Variants in RIMS1 observed in about 807,000 individuals in gnomAD.
The protein encoded by RIMS1 is regulating synaptic membrane exocytosis protein 1.
A neutral mutation model predicts 214.1 loss-of-function variants in RIMS1; 83 were observed. The ratio of observed to expected loss-of-function variants is 0.39; its 90% CI spans 0.32 to 0.47. RIMS1 has a LOEUF of 0.47. Among genes scored for constraint, RIMS1 ranks in the 20% least tolerant of loss-of-function variants. The pLI is 0.99. For missense variants in RIMS1, 2,050 were observed against 2,161.8 expected (o/e 0.95, Z 1.03); for synonymous variants, 793 against 786.8 (o/e 1.01, Z -0.13).
At chr6:72,292,100 C>G in intron 26 of RIMS1, 54 bp downstream of exon 26, 2 of 1,020,100 alleles carry the variant, frequency 2.0e-6, no homozygotes, top group Non-Finnish European at 1.5e-6. Flanking sequence ...AGAACCTCCT[C>G]TATTTATACC....
intron 11 of RIMS1, 82 bp from the exon 12 acceptor site, chr6:72,247,933 A>G: frequency 2.3e-6 from 2 of 885,758 alleles, no homozygotes; most frequent in Non-Finnish European, 3.7e-6. Flanking sequence ...ATGGTTTTAT[A>G]CAAATAAAGG....
At chr6:71,921,256 G>T (rs1195263697) in intron 1 of RIMS1, among the ~76,000 whole-genome samples, 1 of 152,102 alleles carries the variant, frequency 6.6e-6, no homozygotes, top group African/African-American at 2.4e-5. Context: ...GAGTAGCTGG[G>T]ATTAGAGGCA....
At chr6:71,891,506 A>G (rs561881569) in intron 1 of RIMS1, among the ~76,000 whole-genome samples, 2 of 152,302 alleles carry the variant, frequency 1.3e-5, no homozygotes, top group Admixed American at 1.3e-4. Flanking sequence ...CTTACTTTAC[A>G]CAAATATAAT....
chr6:72,196,580 CTTTTTTTTT>C lies in RIMS1; in HGVS notation c.1678+13446_1678+13454del, dbSNP rs61651151. On this transcript the variant is annotated intron_variant, in intron 6 of 33. Transcript: ENST00000521978. ...AGTACTGTGCTGGCAGCCAGCTGCA[CTTTTTTTTT>C]TTTTTTTTTTTTTTACCTATACAGG... 1.6e-4 allele frequency among the ~76,000 whole-genome samples: 9 copies of C among 57,214 alleles called. 1 individual carries two copies. The highest frequency in any genetic ancestry group is 2.4e-4 in the African/African-American group (3 of 12,658). 37.5% of individuals were successfully genotyped at this position (57,214 alleles called of 152,430 possible). A position where few individuals can be genotyped will look rare whatever the true frequency, so the allele number is the denominator to read the frequency against.
intron 4 of RIMS1, among the ~76,000 whole-genome samples, chr6:72,147,190 C>T (rs1216485759): frequency 6.6e-6 from 1 of 152,176 alleles, no homozygotes; most frequent in African/African-American, 2.4e-5. Flanking sequence ...GGCATTACAG[C>T]TTTAATTTTT....
intron 2 of RIMS1, among the ~76,000 whole-genome samples, chr6:72,006,635 G>A (rs1378686808): frequency 6.6e-5 from 10 of 152,286 alleles, no homozygotes; most frequent in Admixed American, 5.9e-4. Flanking sequence ...CTAACACTGC[G>A]CTTTTCCAAT....
chr6:72,263,971 T>A (rs1164433845), intron 19 of RIMS1: 4 of 512,418 alleles, frequency 7.8e-6, no homozygotes, highest in South Asian at 8.6e-5. Flanking sequence ...CCAGCCTAGA[T>A]AACAAGAGTG....
Position 72,260,647 on chromosome 6 carries a change from G to T in RIMS1, c.3054-58G>T, listed in dbSNP as rs367579766. 3,556 of 1,596,616 alleles carry T rather than the reference G, an allele frequency of 2.2e-3. 4 individuals carry two copies. Among genetic ancestry groups the T allele is most frequent in the Non-Finnish European group, 2.8e-3 (3,224 of 1,170,430 alleles). ...TCATGTTTTCATTGGCATACCATTG[G>T]CATAACCCATGTCTCATAATTTATC... On this transcript the variant is annotated intron_variant, in intron 18 of 33. Coordinates refer to ENST00000521978, the MANE Select transcript of RIMS1 (RefSeq NM_014989.7).
At chr6:72,380,292 A>C (rs1170891385) in intron 29 of RIMS1, among the ~76,000 whole-genome samples, 1 of 152,192 alleles carries the variant, frequency 6.6e-6, no homozygotes, top group East Asian at 1.9e-4. Context: ...GGAATACCTA[A>C]TGTAAATGAT....
In RIMS1 at chr6:72,182,722, C is replaced by A. The variant is rs2153970465; in HGVS notation, c.1251C>A (p.Ala417=). The change falls in exon 6 of 34, where the codon GCC becomes GCA. Residue 417 remains alanine (A), a synonymous_variant. Transcript: ENST00000521978. ...GKAGKRAPAA[A]RASPPDSPRA... ...CCGGCAAACGCGCGCCGGCGGCAGC[C>A]AGGGCCTCGCCGCCGGACTCGCCGC... 2 of 1,532,014 alleles carry A rather than the reference C, an allele frequency of 1.3e-6. No homozygotes were observed. Among genetic ancestry groups the A allele is most frequent in the Non-Finnish European group, 1.8e-6 (2 of 1,142,494 alleles). 94.9% of individuals were successfully genotyped at this position (1,532,014 alleles called of 1,614,324 possible). A position where few individuals can be genotyped will look rare whatever the true frequency, so the allele number is the denominator to read the frequency against.
intron 1 of RIMS1, among the ~76,000 whole-genome samples, chr6:71,897,370 C>A (rs552093524): frequency 6.6e-6 from 1 of 152,110 alleles, no homozygotes; most frequent in Non-Finnish European, 1.5e-5. Context: ...CCATAAAACC[C>A]GCTTGCTTTC....
chr6:72,284,119 G>A lies in RIMS1; in HGVS notation c.3554+1G>A, dbSNP rs1322377965. The A allele has an allele frequency of 1.2e-6, 2 of 1,612,346 alleles. No individual in the cohort carries two copies. The highest frequency in any genetic ancestry group is 1.7e-6 in the Non-Finnish European group (2 of 1,178,784). ...AAGGCACTGCCTCTGATGCAGAAAG[G>A]TAGGCTTGGTGTTGTGGTGTGCTGA... On this transcript the variant is annotated splice_donor_variant, in intron 24 of 33. Transcript: ENST00000521978. LOFTEE classifies it high-confidence loss of function.
rs1366929361 is a variant in RIMS1 at position 72,159,333 on chromosome 6, A to T, written c.472-20242A>T. On this transcript the variant is annotated intron_variant, in intron 4 of 33. Transcript: ENST00000521978. Reference sequence around the variant, plus strand: ...AAGTAGATTGCAAAAATTTTCTCCCATTCTGTAGGTTGCCTGTTCACTCTG... The same window carrying T: ...AAGTAGATTGCAAAAATTTTCTCCCTTTCTGTAGGTTGCCTGTTCACTCTG... Among the ~76,000 whole-genome samples, 2 of 140,020 alleles carry T rather than the reference A, an allele frequency of 1.4e-5. 1 individual carries two copies. The highest frequency in any genetic ancestry group is 3.2e-5 in the Non-Finnish European group (2 of 61,714). The allele number at this position is 140,020 out of a possible 152,430, so 91.9% of individuals were successfully genotyped here.
intron 6 of RIMS1, among the ~76,000 whole-genome samples, chr6:72,221,894 C>T (rs1299247570): frequency 5.3e-5 from 8 of 151,756 alleles, no homozygotes; most frequent in East Asian, 3.9e-4. Flanking sequence ...TTGGTTTTTA[C>T]GGAAATTAGG....
chr6:72,147,581 CAT>C (rs1491232376), intron 4 of RIMS1, among the ~76,000 whole-genome samples: 14 of 152,252 alleles, frequency 9.2e-5, no homozygotes, highest in African/African-American at 2.6e-4. Context: ...TAGGGCCTCT[CAT>C]GTGTGTGTGC....
chr6:71,960,506 A>G (rs141571120), intron 1 of RIMS1, among the ~76,000 whole-genome samples: 2 of 152,258 alleles, frequency 1.3e-5, no homozygotes, highest in Admixed American at 6.5e-5. Flanking sequence ...ACTTTTGTTT[A>G]TACAACTAAA....
chr6:72,325,778 C>A (rs1348012438), intron 28 of RIMS1, among the ~76,000 whole-genome samples: 4 of 151,816 alleles, frequency 2.6e-5, no homozygotes, highest in Non-Finnish European at 5.9e-5. Flanking sequence ...TAAGGTCCAG[C>A]TTACTTGAAG....
chr6:72,159,949 G>C lies in RIMS1; in HGVS notation c.472-19626G>C, dbSNP rs189146111. Among the ~76,000 whole-genome samples the C allele has an allele frequency of 3.1e-3, 435 of 139,380 alleles. 19 individuals are homozygous for C. The highest frequency in any genetic ancestry group is 1.0e-2 in the African/African-American group (404 of 40,472). The allele number at this position is 139,380 out of a possible 152,430, so 91.4% of individuals were successfully genotyped here. ...AAGAAAGTCGTTGGTAGCTTGATGGGGATGGCATTGAATCTATAAATTACC... is the reference window on the plus strand; with the variant it reads ...AAGAAAGTCGTTGGTAGCTTGATGGCGATGGCATTGAATCTATAAATTACC... On this transcript the variant is annotated intron_variant, in intron 4 of 33. Transcript: ENST00000521978.
intron 1 of RIMS1, among the ~76,000 whole-genome samples, chr6:71,920,107 C>A (rs1308558918): frequency 6.6e-6 from 1 of 152,168 alleles, no homozygotes; most frequent in Admixed American, 6.5e-5. Flanking sequence ...TTTCAACAAA[C>A]CCTAAAGGAA....
Sources: allele counts gnomAD v4.1 joint callset (sites outside exome capture counted in the v4.1 genomes callset), GRCh38; gene constraint gnomAD v4.1.1; transcripts MANE v1.5; gene names NCBI Gene and HGNC (gene_info 2026-07-23, HGNC 2026-07-21).